SMYD3: variants seen among roughly 807,000 people sequenced by gnomAD.
The protein encoded by SMYD3 is histone-lysine N-methyltransferase SMYD3.
A neutral mutation model predicts 57.7 loss-of-function variants in SMYD3; 36 were observed. The observed-to-expected ratio is 0.62, with a 90% CI of 0.48 to 0.82. The LOEUF is 0.82. SMYD3 is among the 40% of genes least tolerant of loss of function. SMYD3 has a pLI of 0.00. For missense variants in SMYD3, 515 were observed against 538.8 expected, an observed-to-expected ratio of 0.96 and a Z score of 0.44; for synonymous variants, 211 against 195.0, an observed-to-expected ratio of 1.08 and a Z score of -0.68.
chr1:246,069,143 C>G (rs567450224), intron 5 of SMYD3, among the ~76,000 whole-genome samples: 2 of 152,210 alleles, frequency 1.3e-5, no homozygotes, highest in Non-Finnish European at 2.9e-5. Flanking sequence ...CCCAGTCACA[C>G]AGCCTGTCTG....
chr1:245,790,271 A>G (rs1182014617), intron 10 of SMYD3, among the ~76,000 whole-genome samples: 1 of 152,246 alleles, frequency 6.6e-6, no homozygotes. Context: ...TGAGAATTCA[A>G]CGAACTGATG....
At chr1:245,865,993 G>A (rs1401487959) in intron 8 of SMYD3, among the ~76,000 whole-genome samples, 1 of 26,020 alleles carries the variant, frequency 3.8e-5, no homozygotes, top group African/African-American at 4.9e-5. Context: ...CCAGTGTGAA[G>A]GATGACATAA....
At chr1:246,223,275 C>G (rs1245333137) in intron 5 of SMYD3, among the ~76,000 whole-genome samples, 1 of 152,032 alleles carries the variant, frequency 6.6e-6, no homozygotes, top group African/African-American at 2.4e-5. Context: ...AGCAGTGTTG[C>G]CAGAGATGGA....
chr1:245,802,687 T>C (rs1246044162), intron 10 of SMYD3, among the ~76,000 whole-genome samples: 1 of 152,190 alleles, frequency 6.6e-6, no homozygotes, highest in African/African-American at 2.4e-5. Context: ...ATGGTGCCTG[T>C]TGGTGGCCTA....
intron 5 of SMYD3, among the ~76,000 whole-genome samples, chr1:246,214,245 A>C (rs1010189644): frequency 6.6e-6 from 1 of 152,116 alleles, no homozygotes; most frequent in Non-Finnish European, 1.5e-5. Context: ...AGGTCACAAA[A>C]TGGTAGGGAG....
At chr1:245,977,924 G>A (rs2058492802) in intron 5 of SMYD3, among the ~76,000 whole-genome samples, 1 of 152,096 alleles carries the variant, frequency 6.6e-6, no homozygotes, top group Admixed American at 6.6e-5. Context: ...CTGTGAGGGA[G>A]ATATTAATAT....
chr1:246,015,820 ATAC>A (rs1320264108), intron 5 of SMYD3, among the ~76,000 whole-genome samples: 2 of 152,232 alleles, frequency 1.3e-5, no homozygotes, highest in East Asian at 3.8e-4. Context: ...TTGTAGATCC[ATAC>A]ATCTGTTGAT....
chr1:246,022,198 G>A (rs535152009), intron 5 of SMYD3, among the ~76,000 whole-genome samples: 9 of 152,306 alleles, frequency 5.9e-5, no homozygotes, highest in African/African-American at 2.2e-4. Context: ...TCACCTCTTT[G>A]CACAAGTCAA....
At chr1:246,103,207 G>C (rs778786968) in intron 5 of SMYD3, among the ~76,000 whole-genome samples, 2 of 152,134 alleles carry the variant, frequency 1.3e-5, no homozygotes, top group African/African-American at 4.8e-5. Context: ...CAAGATTCTA[G>C]CTGTTATAAT....
intron 1 of SMYD3, among the ~76,000 whole-genome samples, chr1:246,365,874 G>A (rs76844062): frequency 0.042 from 6,399 of 152,234 alleles, 176 homozygotes; most frequent in Non-Finnish European, 0.057. Context: ...CCAAAACTGG[G>A]AGAGGGTTCT....
At chr1:246,265,151 T>C (rs568819918) in intron 5 of SMYD3, among the ~76,000 whole-genome samples, 3 of 152,228 alleles carry the variant, frequency 2.0e-5, no homozygotes, top group Non-Finnish European at 4.4e-5. Flanking sequence ...TTTATTATTT[T>C]TCGAGACAGG....
intron 1 of SMYD3, among the ~76,000 whole-genome samples, chr1:246,365,624 T>TA (rs1270007842): frequency 4.7e-5 from 7 of 149,544 alleles, no homozygotes; most frequent in South Asian, 2.1e-4. Context: ...ACTCTCCCCA[T>TA]AAAAAAAAAG....
intron 5 of SMYD3, among the ~76,000 whole-genome samples, chr1:246,182,192 T>G (rs1483100300): frequency 1.3e-5 from 2 of 152,146 alleles, no homozygotes; most frequent in Non-Finnish European, 2.9e-5. Flanking sequence ...AGATCAACTT[T>G]TAAAACTTGT....
Position 245,834,022 on chromosome 1 carries a change from C to T in SMYD3, c.1076+24474G>A, listed in dbSNP as rs142000241. 6.1e-4 allele frequency among the ~76,000 whole-genome samples: 93 copies of T among 152,328 alleles called. 2 individuals carry two copies. The highest frequency in any genetic ancestry group is 7.3e-4 in the Non-Finnish European group (50 of 68,040). ...AAGGTTCTGGGACATCCTGCAGTAA[C>T]CTTATTTAACCTACAGTTTCCCAAA... On this transcript the variant is annotated intron_variant, in intron 10 of 11. Transcript: ENST00000490107.
intron 1 of SMYD3, among the ~76,000 whole-genome samples, chr1:246,456,858 G>A (rs1051394105): frequency 2.0e-5 from 3 of 152,148 alleles, no homozygotes; most frequent in African/African-American, 4.8e-5. Flanking sequence ...TTATGAAGGA[G>A]GACACAAGGG....
At chr1:245,919,415 C>G (rs1476123638) in intron 7 of SMYD3, among the ~76,000 whole-genome samples, 1 of 152,176 alleles carries the variant, frequency 6.6e-6, no homozygotes, top group African/African-American at 2.4e-5. Flanking sequence ...CGAGCCTCTC[C>G]TCCACACTCA....
chr1:246,481,621 T>TATATATATATATATATACACAC (rs1307881494), intron 1 of SMYD3, among the ~76,000 whole-genome samples: 19 of 98,552 alleles, frequency 1.9e-4, no homozygotes, highest in African/African-American at 4.5e-4. Flanking sequence ...CATACATATA[T>TATATATATATATATATACACAC]ACATACATAC....
intron 5 of SMYD3, among the ~76,000 whole-genome samples, chr1:245,963,398 T>C (rs1572800751): frequency 6.6e-6 from 1 of 152,108 alleles, no homozygotes; most frequent in Non-Finnish European, 1.5e-5. Flanking sequence ...AACAGAAACC[T>C]CCATGGAAAT....
intron 10 of SMYD3, among the ~76,000 whole-genome samples, chr1:245,832,197 T>C (rs1375659411): frequency 6.6e-6 from 1 of 152,232 alleles, no homozygotes; most frequent in Non-Finnish European, 1.5e-5. Flanking sequence ...CTCGTTTATA[T>C]AATGAGTGTC....
Sources: allele counts gnomAD v4.1 joint callset (sites outside exome capture counted in the v4.1 genomes callset), GRCh38; gene constraint gnomAD v4.1.1; transcripts MANE v1.5; gene names NCBI Gene and HGNC (gene_info 2026-07-23, HGNC 2026-07-21).